ZFP37: variants seen among roughly 807,000 people sequenced by gnomAD.
ZFP37 encodes the protein zinc finger protein 37 homolog.
In ZFP37, 38 loss-of-function variants were observed where a neutral mutation model predicts 52.1. That is an observed-to-expected ratio of 0.73 (90% CI 0.56 to 0.96). The LOEUF (loss-of-function observed/expected upper bound fraction) is 0.96, where lower values mean the gene tolerates loss of function less well. Among genes scored for constraint, ZFP37 ranks in the 40% least tolerant of loss-of-function variants. The probability of loss-of-function intolerance (pLI) is 0.00; values close to 1 mark genes in which losing one functional copy is unlikely to be tolerated. For synonymous variants in ZFP37, 253 were observed against 259.5 expected, an observed-to-expected ratio of 0.98 and a Z score of 0.24; for missense variants, 695 against 741.4, an observed-to-expected ratio of 0.94 and a Z score of 0.73.
intron 3 of ZFP37, among the ~76,000 whole-genome samples, chr9:113,047,856 T>C (rs1828986073): frequency 6.6e-6 from 1 of 152,218 alleles, no homozygotes; most frequent in Non-Finnish European, 1.5e-5. Flanking sequence ...AAGAATAAGC[T>C]GTTGTTTAAG....
intron 1 of ZFP37, among the ~76,000 whole-genome samples, chr9:113,051,279 G>A (rs1829053118): frequency 6.6e-6 from 1 of 152,068 alleles, no homozygotes; most frequent in Non-Finnish European, 1.5e-5. Flanking sequence ...TAGGGGGGTG[G>A]GAGTAGGGAA....
chr9:113,048,619 A>C (rs1829000542), intron 3 of ZFP37, among the ~76,000 whole-genome samples: 1 of 151,824 alleles, frequency 6.6e-6, no homozygotes, highest in South Asian at 2.1e-4. Flanking sequence ...GCTGGTACCA[A>C]GTTTCAGAGC....
chr9:113,048,735 C>A (rs1052333147), intron 3 of ZFP37, among the ~76,000 whole-genome samples: 1 of 152,128 alleles, frequency 6.6e-6, no homozygotes, highest in Non-Finnish European at 1.5e-5. Context: ...AATGCATAGC[C>A]TTTTGAATTA....
intron 2 of ZFP37, 124 bp from the exon 3 acceptor site, chr9:113,049,620 G>A: frequency 6.9e-7 from 1 of 1,446,610 alleles, no homozygotes; most frequent in Non-Finnish European, 9.3e-7. Context: ...TGAATGCCAG[G>A]TCAGCTAAAT....
At chr9:113,046,219 T>G (rs1418532541) in intron 3 of ZFP37, among the ~76,000 whole-genome samples, 2 of 33,390 alleles carry the variant, frequency 6.0e-5, no homozygotes, top group South Asian at 1.5e-3. Flanking sequence ...TATCTATATA[T>G]AGACATATAT....
rs1017155582 is a variant in ZFP37, at chr9:113,038,390, T to C, written c.*4335A>G. ...CTAATGTGCATATAGTTTTGTAAACTGTTTTTTATTTAGTATTTTAGATGC... is the reference window on the plus strand; with the variant it reads ...CTAATGTGCATATAGTTTTGTAAACCGTTTTTTATTTAGTATTTTAGATGC... On this transcript the variant is annotated 3_prime_UTR_variant, in exon 4 of 4. Coordinates refer to ENST00000374227, the MANE Select transcript of ZFP37 (RefSeq NM_003408.3). 15 of 152,116 alleles carry C rather than the reference T, an allele frequency of 9.9e-5. No individual in the cohort carries two copies. Among genetic ancestry groups the C allele is most frequent in the Admixed American group, 5.9e-4 (9 of 15,260 alleles). 9.4% of individuals were successfully genotyped at this position (152,116 alleles called of 1,614,324 possible).
Position 113,043,185 on chromosome 9 carries a change from A to C in ZFP37, c.1433T>G (p.Ile478Arg), listed in dbSNP as rs1003345642. The C allele has an allele frequency of 6.2e-7, 1 of 1,613,814 alleles. No individual in the cohort carries two copies. The highest frequency in any genetic ancestry group is 8.5e-7 in the Non-Finnish European group (1 of 1,179,932). The change falls in exon 4 of 4, where the codon ATA becomes AGA. Residue 478 changes from isoleucine to arginine, a missense_variant. Ile to Arg is a moderately conservative substitution (Grantham distance 97). Around this residue, in one of 2 missense-constraint regions of ZFP37, gnomAD observed 326 missense variants for 400.5 expected, o/e 0.81. Transcript: ENST00000374227. ...KAFSKKSHLI[I>R]HQRTHTKEKP... The stretch of plus-strand genomic sequence containing the variant: ...CTCCTTAGTATGAGTTCTTTGATGT[A>C]TAATGAGGTGTGACTTCTTGCTGAA...
intron 3 of ZFP37, 143 bp from the exon 4 acceptor site, chr9:113,044,411 A>G: frequency 1.5e-6 from 1 of 667,126 alleles, no homozygotes; most frequent in South Asian, 3.0e-5. Context: ...ACTAGGGTGA[A>G]TGGACTTGAG....
At chr9:113,053,546 A>G (rs568566291) in intron 1 of ZFP37, among the ~76,000 whole-genome samples, 3 of 152,308 alleles carry the variant, frequency 2.0e-5, no homozygotes, top group African/African-American at 4.8e-5. Context: ...ACCTAACCCT[A>G]GAAAATACAC....
rs1828830523 is a variant in ZFP37, at chr9:113,040,639, A to C, written c.*2086T>G. 1 of 152,242 alleles carries C rather than the reference A, an allele frequency of 6.6e-6. No homozygotes were observed. The highest frequency in any genetic ancestry group is 2.4e-5 in the African/African-American group (1 of 41,466). The allele number at this position is 152,242 out of a possible 1,614,324, so 9.4% of individuals were successfully genotyped here. ...ATATTTGTAAAGATGGCATTTAAGC[A>C]CATATTTCTTTGGGGCCCATTATTA... On this transcript the variant is annotated 3_prime_UTR_variant, in exon 4 of 4. Coordinates refer to ENST00000374227, the MANE Select transcript of ZFP37 (RefSeq NM_003408.3).
intron 1 of ZFP37, among the ~76,000 whole-genome samples, chr9:113,051,743 C>T (rs1020354907): frequency 6.6e-6 from 1 of 152,198 alleles, no homozygotes; most frequent in African/African-American, 2.4e-5. Context: ...ATGTCAGCCA[C>T]TGTGCCTGGC....
rs367629305 is a variant in ZFP37, at chr9:113,043,740, T to C, written c.878A>G (p.Tyr293Cys). The C allele has an allele frequency of 3.1e-6, 5 of 1,613,924 alleles. No homozygotes were observed. The highest frequency in any genetic ancestry group is 4.2e-6 in the Non-Finnish European group (5 of 1,179,966). The change falls in exon 4 of 4, where the codon TAT (tyrosine) becomes TGT (cysteine). Residue 293 changes from tyrosine to cysteine, a missense_variant. Tyr to Cys is a radical substitution (Grantham distance 194). Coordinates refer to ENST00000374227, the MANE Select transcript of ZFP37 (RefSeq NM_003408.3). ...HEKPQACVKP[Y>C]ECNQCGKVLS... ...AACCTTTCCACATTGATTACATTCA[T>C]AGGGTTTCACACAAGCTTGAGGTTT...
intron 1 of ZFP37, among the ~76,000 whole-genome samples, chr9:113,056,189 C>T (rs1227877740): frequency 6.6e-6 from 1 of 152,096 alleles, no homozygotes; most frequent in Non-Finnish European, 1.5e-5. Flanking sequence ...ATAACCCAGG[C>T]TCTAACCACC....
intron 3 of ZFP37, among the ~76,000 whole-genome samples, chr9:113,047,223 AAAGT>A (rs1828973335): frequency 6.6e-6 from 1 of 152,166 alleles, no homozygotes; most frequent in Admixed American, 6.6e-5. Flanking sequence ...GTCAACAAGA[AAAGT>A]AAGGATAGCC....
chr9:113,049,330 A>G lies in ZFP37; in HGVS notation c.349+32T>C, dbSNP rs559297673. The G allele has an allele frequency of 4.4e-6, 7 of 1,605,902 alleles. No homozygotes were observed. The African/African-American group carries it at 6.7e-5, about 15-fold the overall frequency. Reference sequence around the variant, plus strand: ...TTTAAGAAGAATTTCAGAATAAATTATTTGCTGAAAAATTTCAAAGTTACA... The same window carrying G: ...TTTAAGAAGAATTTCAGAATAAATTGTTTGCTGAAAAATTTCAAAGTTACA... On this transcript the variant is annotated intron_variant, in intron 3 of 3. Coordinates refer to ENST00000374227, the MANE Select transcript of ZFP37 (RefSeq NM_003408.3).
At chr9:113,049,761 C>T (rs1048274786) in intron 2 of ZFP37, 30 bp downstream of exon 2, 1 of 1,608,914 alleles carries the variant, frequency 6.2e-7, no homozygotes. Flanking sequence ...ACAGTGGACA[C>T]ATTTTGAATT....
chr9:113,047,463 C>G (rs1828976847), intron 3 of ZFP37, among the ~76,000 whole-genome samples: 1 of 151,770 alleles, frequency 6.6e-6, no homozygotes, highest in Non-Finnish European at 1.5e-5. Flanking sequence ...CATGTAAGAT[C>G]AATTAAAGCT....
chr9:113,046,513 G>T (rs986613714), intron 3 of ZFP37, among the ~76,000 whole-genome samples: 3 of 152,044 alleles, frequency 2.0e-5, no homozygotes, highest in African/African-American at 7.2e-5. Context: ...CCTTTACAAT[G>T]ATGAATTTGG....
At chr9:113,046,654 T>A (rs999735737) in intron 3 of ZFP37, among the ~76,000 whole-genome samples, 5 of 152,180 alleles carry the variant, frequency 3.3e-5, no homozygotes, top group Admixed American at 3.3e-4. Flanking sequence ...AGCAATTGAC[T>A]ATGGCTGGAA....
Sources: allele counts gnomAD v4.1 joint callset (sites outside exome capture counted in the v4.1 genomes callset), GRCh38; gene constraint gnomAD v4.1.1; regional missense constraint gnomAD v4.1.1; transcripts MANE v1.5; gene names NCBI Gene and HGNC (gene_info 2026-07-23, HGNC 2026-07-21).